Variants in LAMA2 observed in about 807,000 individuals in gnomAD.
LAMA2 encodes laminin subunit alpha 2.
Under a neutral mutation model 364.8 loss-of-function variants are expected in LAMA2, and 269 were observed. The ratio of observed to expected loss-of-function variants is 0.74; its 90% CI spans 0.67 to 0.82. LAMA2 has a LOEUF of 0.82. Ranked by LOEUF, LAMA2 falls within the 40% of genes least tolerant of loss-of-function variation. The pLI is 0.00. For synonymous variants in LAMA2, 1,379 were observed against 1,370.6 expected (o/e 1.01, Z -0.14); for missense variants, 3,807 against 3,873.2 (o/e 0.98, Z 0.45).
intron 22 of LAMA2, among the ~76,000 whole-genome samples, chr6:129,308,105 A>C (rs1773990978): frequency 6.6e-6 from 1 of 152,268 alleles, no homozygotes; most frequent in Non-Finnish European, 1.5e-5. Context: ...GTCTGACTTC[A>C]ATTAGACATG....
intron 1 of LAMA2, among the ~76,000 whole-genome samples, chr6:128,927,143 A>C (rs570187956): frequency 2.0e-5 from 3 of 152,302 alleles, no homozygotes; most frequent in African/African-American, 7.2e-5. Flanking sequence ...AACTGATAAA[A>C]TGGCTAAAGC....
Position 129,154,514 on chromosome 6 carries a change from G to A in LAMA2, c.1037G>A (p.Cys346Tyr). Reference protein sequence around the residue: ...LTKTECEACNCHGKAEECYYD... With the variant: ...LTKTECEACNYHGKAEECYYD... The stretch of plus-strand genomic sequence containing the variant: ...TTTTTCCTTAATGCAGCATGCAATT[G>A]TCATGGAAAAGCTGAAGAATGCTAT... The change falls in exon 8 of 65, where the codon TGT becomes TAT. Residue 346 changes from cysteine to tyrosine, a missense_variant. Transcript: ENST00000421865. 1.9e-6 allele frequency: 3 copies of A among 1,612,768 alleles called. No homozygotes were observed. Among genetic ancestry groups the A allele is most frequent in the Non-Finnish European group, 2.5e-6 (3 of 1,178,814 alleles).
At chr6:129,191,033 C>T (rs558154554) in intron 11 of LAMA2, among the ~76,000 whole-genome samples, 39 of 152,256 alleles carry the variant, frequency 2.6e-4, no homozygotes, top group African/African-American at 8.2e-4. Context: ...GAATTTCACA[C>T]AGCCTGTGTG....
chr6:129,184,661 G>A (rs1328175991), intron 10 of LAMA2, among the ~76,000 whole-genome samples: 5 of 151,726 alleles, frequency 3.3e-5, no homozygotes, highest in Non-Finnish European at 5.9e-5. Flanking sequence ...GTTCGCCCCT[G>A]ATCCTTGCTC....
At chr6:129,370,336 G>A (rs4897309) in intron 34 of LAMA2, among the ~76,000 whole-genome samples, 123,248 of 152,138 alleles carry the variant, frequency 0.81, 50,183 homozygotes, top group Admixed American at 0.87. Flanking sequence ...AAATGAAAAT[G>A]CTTGTGGTCT....
chr6:129,401,368 A>T (rs1252641638), intron 38 of LAMA2, 28 bp downstream of exon 38: 1 of 1,337,254 alleles, frequency 7.5e-7, no homozygotes, highest in East Asian at 2.3e-5. Flanking sequence ...CTCAAAAGAG[A>T]GATGATAATG....
At chr6:129,200,054 G>A (rs1334388846) in intron 12 of LAMA2, among the ~76,000 whole-genome samples, 1 of 151,260 alleles carries the variant, frequency 6.6e-6, no homozygotes, top group Non-Finnish European at 1.5e-5. Context: ...ACTCCAGCCT[G>A]GGGCATAGAG....
chr6:128,924,504 A>G (rs1778964294), intron 1 of LAMA2, among the ~76,000 whole-genome samples: 1 of 151,948 alleles, frequency 6.6e-6, no homozygotes, highest in East Asian at 1.9e-4. Flanking sequence ...TTTGAGTATC[A>G]ATTAAATTAT....
rs1436482738 is a variant in LAMA2, at chr6:129,503,214, T to C, written c.8481T>C (p.Tyr2827=). 1.2e-6 allele frequency: 2 copies of C among 1,614,134 alleles called. No individual in the cohort carries two copies. Among genetic ancestry groups the C allele is most frequent in the Non-Finnish European group, 1.7e-6 (2 of 1,179,994 alleles). ...GAAATGGATTGCCCTACTTCAGCTATGACTTGGGGAGTGGGGACACCCACA... is the reference window on the plus strand; with the variant it reads ...GAAATGGATTGCCCTACTTCAGCTACGACTTGGGGAGTGGGGACACCCACA... ...QLRNGLPYFS[Y]DLGSGDTHTM... Residue 2827 remains tyrosine, a synonymous_variant, in exon 60 of 65, where the codon TAT becomes TAC. Transcript: ENST00000421865.
chr6:129,453,948 T>C (rs1782821297), intron 46 of LAMA2, among the ~76,000 whole-genome samples: 4 of 149,396 alleles, frequency 2.7e-5, no homozygotes, highest in Admixed American at 1.3e-4. Context: ...TTATGGACTT[T>C]TTTTTTTTTT....
intron 33 of LAMA2, among the ~76,000 whole-genome samples, chr6:129,368,148 A>G (rs1777876067): frequency 6.6e-6 from 1 of 152,218 alleles, no homozygotes; most frequent in African/African-American, 2.4e-5. Flanking sequence ...CATGAAGGCT[A>G]CATTCTCATG....
intron 9 of LAMA2, among the ~76,000 whole-genome samples, chr6:129,169,855 A>C (rs1780017285): frequency 6.9e-6 from 1 of 145,026 alleles, no homozygotes; most frequent in Non-Finnish European, 1.5e-5. Context: ...TTATTGGTCT[A>C]TTCAGAGATT....
At chr6:129,292,758 T>C in intron 20 of LAMA2, 1 of 966,502 alleles carries the variant, frequency 1.0e-6, no homozygotes, top group Non-Finnish European at 1.2e-6. Context: ...AATAATATCA[T>C]TGCTCTGTTT....
At chr6:128,890,369 A>T (rs1195162613) in intron 1 of LAMA2, among the ~76,000 whole-genome samples, 1 of 152,140 alleles carries the variant, frequency 6.6e-6, no homozygotes, top group African/African-American at 2.4e-5. Context: ...GACTTTGTAG[A>T]TGCTAACTAT....
chr6:129,440,788 T>G, intron 42 of LAMA2, 28 bp from the exon 43 acceptor site: 2 of 1,609,236 alleles, frequency 1.2e-6, no homozygotes, highest in Non-Finnish European at 8.5e-7. Flanking sequence ...CCCTTTGTTT[T>G]GTTTTTCATA....
intron 22 of LAMA2, among the ~76,000 whole-genome samples, chr6:129,303,992 C>A (rs1773707949): frequency 6.6e-6 from 1 of 152,016 alleles, no homozygotes; most frequent in African/African-American, 2.4e-5. Flanking sequence ...AACAGAAATA[C>A]TTTAGAGGAA....
intron 31 of LAMA2, among the ~76,000 whole-genome samples, chr6:129,352,543 A>G (rs1391842882): frequency 1.3e-5 from 2 of 152,222 alleles, no homozygotes; most frequent in East Asian, 3.8e-4. Context: ...CTTTTGCCTC[A>G]TTGGTAAAAT....
chr6:129,208,627 GAAAGAAGA>G (rs146091900), intron 12 of LAMA2, among the ~76,000 whole-genome samples: 15,110 of 143,086 alleles, frequency 0.11, 1,739 homozygotes, highest in African/African-American at 0.29. Flanking sequence ...AAGAAAGAAA[GAAAGAAGA>G]AAGAAAGAAG....
At chr6:129,216,129 A>T (rs1164466309) in intron 12 of LAMA2, among the ~76,000 whole-genome samples, 2 of 152,182 alleles carry the variant, frequency 1.3e-5, no homozygotes, top group Non-Finnish European at 2.9e-5. Flanking sequence ...GCCACAAAAC[A>T]ACTAGGACAT....
Sources: allele counts gnomAD v4.1 joint callset (sites outside exome capture counted in the v4.1 genomes callset), GRCh38; gene constraint gnomAD v4.1.1; transcripts MANE v1.5; gene names NCBI Gene and HGNC (gene_info 2026-07-23, HGNC 2026-07-21).